The following GPC5 variants were observed in gnomAD, a reference collection of about 807,000 sequenced individuals.
GPC5 encodes the protein glypican 5.
Under a neutral mutation model 53.9 loss-of-function variants are expected in GPC5, and 47 were observed. That is an observed-to-expected ratio of 0.87 (90% confidence interval 0.69 to 1.11). The LOEUF is 1.11. GPC5 is among the 50% of genes most tolerant of loss of function. GPC5 has a pLI of 0.00. For synonymous variants in GPC5, 286 were observed against 263.3 expected (o/e 1.09, Z -0.84); for missense variants, 748 against 713.1 (o/e 1.05, Z -0.56).
chr13:92,616,792 C>T (rs1369156938), intron 7 of GPC5, among the ~76,000 whole-genome samples: 1 of 152,060 alleles, frequency 6.6e-6, no homozygotes, highest in Non-Finnish European at 1.5e-5. Context: ...AATAATAGAG[C>T]TTCAAAATGC....
chr13:91,768,565 T>C (rs552749768), intron 5 of GPC5, among the ~76,000 whole-genome samples: 65 of 152,174 alleles, frequency 4.3e-4, no homozygotes, highest in Non-Finnish European at 7.5e-4. Flanking sequence ...AGAGTAGTCA[T>C]GAAGAAATGA....
intron 7 of GPC5, among the ~76,000 whole-genome samples, chr13:92,705,529 T>C (rs1463130402): frequency 6.6e-6 from 1 of 152,144 alleles, no homozygotes; most frequent in East Asian, 1.9e-4. Context: ...AAAATAAGAA[T>C]GTAAAAATCT....
At chr13:92,127,159 T>C (rs1472049265) in intron 6 of GPC5, among the ~76,000 whole-genome samples, 1 of 152,196 alleles carries the variant, frequency 6.6e-6, no homozygotes, top group Middle Eastern at 3.4e-3. Context: ...GAAAAACCAG[T>C]GTGTTACTGA....
At chr13:92,268,460 C>T (rs79149990) in intron 7 of GPC5, among the ~76,000 whole-genome samples, 9 of 151,828 alleles carry the variant, frequency 5.9e-5, no homozygotes, top group Non-Finnish European at 1.3e-4. Flanking sequence ...ACTCTTAATT[C>T]ACTTCTGTGG....
intron 7 of GPC5, among the ~76,000 whole-genome samples, chr13:92,244,466 T>C (rs2042635827): frequency 6.6e-6 from 1 of 152,182 alleles, no homozygotes; most frequent in South Asian, 2.1e-4. Context: ...TATTCTACAT[T>C]GTATTAGAAC....
intron 7 of GPC5, among the ~76,000 whole-genome samples, chr13:92,737,135 T>C (rs576335597): frequency 6.2e-4 from 95 of 152,188 alleles, no homozygotes; most frequent in South Asian, 1.2e-3. Context: ...CAGAGTATCT[T>C]TCTCCAACTA....
chr13:92,304,203 C>CTT lies in GPC5; in HGVS notation c.1561+159226_1561+159227dup, dbSNP rs574804430. ...AGGCTTTGATATGACCATTTACTTT[C>CTT]TTTTTTTTTTTTTCTTTTTTAGACA... On this transcript the variant is annotated intron_variant, in intron 7 of 7. Transcript: ENST00000377067. Among the ~76,000 whole-genome samples the CTT allele has an allele frequency of 5.8e-3, 831 of 144,084 alleles. 9 individuals carry two copies. The highest frequency in any genetic ancestry group is 0.02 in the African/African-American group (777 of 39,478). The allele number at this position is 144,084 out of a possible 152,430, so 94.5% of individuals were successfully genotyped here. A position where few individuals can be genotyped will look rare whatever the true frequency, so the allele number is the denominator to read the frequency against.
intron 7 of GPC5, among the ~76,000 whole-genome samples, chr13:92,226,668 C>T (rs897536076): frequency 2.0e-5 from 3 of 149,962 alleles, no homozygotes; most frequent in Non-Finnish European, 3.0e-5. Flanking sequence ...TCACTGATCT[C>T]GGTCACTGCC....
intron 6 of GPC5, among the ~76,000 whole-genome samples, chr13:92,141,264 C>T (rs1260663224): frequency 6.6e-6 from 1 of 152,034 alleles, no homozygotes; most frequent in African/African-American, 2.4e-5. Context: ...GCAGAGCCTC[C>T]ATGCAAAGGA....
chr13:91,930,785 C>T (rs554286366), intron 6 of GPC5, among the ~76,000 whole-genome samples: 2 of 152,138 alleles, frequency 1.3e-5, no homozygotes, highest in African/African-American at 4.8e-5. Context: ...AGAAATTTTC[C>T]AGGCACTTCA....
At chr13:91,582,316 G>A (rs1035081390) in intron 2 of GPC5, among the ~76,000 whole-genome samples, 2 of 152,072 alleles carry the variant, frequency 1.3e-5, no homozygotes, top group African/African-American at 4.8e-5. Context: ...AACTCCAAAG[G>A]ATCAAAATAA....
At chr13:91,625,112 GAAAA>G (rs1196187988) in intron 2 of GPC5, among the ~76,000 whole-genome samples, 2 of 150,588 alleles carry the variant, frequency 1.3e-5, no homozygotes, top group East Asian at 3.9e-4. Context: ...TTGAAGCAAA[GAAAA>G]AAGGGAGGGA....
At chr13:91,577,878 C>G (rs564003450) in intron 2 of GPC5, among the ~76,000 whole-genome samples, 1 of 152,146 alleles carries the variant, frequency 6.6e-6, no homozygotes, top group South Asian at 2.1e-4. Flanking sequence ...CTTTGACATT[C>G]CTTTCGAAAG....
At chr13:92,362,868 T>G (rs1373222919) in intron 7 of GPC5, among the ~76,000 whole-genome samples, 1 of 151,792 alleles carries the variant, frequency 6.6e-6, no homozygotes, top group African/African-American at 2.4e-5. Flanking sequence ...ATTTAACATA[T>G]GGCTTGTGCT....
intron 2 of GPC5, among the ~76,000 whole-genome samples, chr13:91,560,955 T>A (rs531822665): frequency 6.6e-6 from 1 of 151,946 alleles, no homozygotes; most frequent in South Asian, 2.1e-4. Flanking sequence ...ATACCAAAAC[T>A]CTTCCTTCAA....
intron 7 of GPC5, among the ~76,000 whole-genome samples, chr13:92,722,344 A>G (rs1888529265): frequency 6.6e-6 from 1 of 152,020 alleles, no homozygotes; most frequent in Admixed American, 6.6e-5. Flanking sequence ...AGAGAAAATC[A>G]AGCTTTTGCT....
chr13:92,363,171 G>T (rs545285356), intron 7 of GPC5, among the ~76,000 whole-genome samples: 67 of 151,746 alleles, frequency 4.4e-4, no homozygotes, highest in Admixed American at 4.4e-3. Flanking sequence ...CTGGGTGTTG[G>T]GGGGACACTT....
chr13:91,403,664 A>G (rs1401421602), intron 1 of GPC5, among the ~76,000 whole-genome samples: 3 of 152,212 alleles, frequency 2.0e-5, no homozygotes, highest in Non-Finnish European at 4.4e-5. Context: ...ATCAAGGCCC[A>G]GTTCCACTTC....
chr13:92,357,853 A>T (rs953230948), intron 7 of GPC5, among the ~76,000 whole-genome samples: 2 of 147,700 alleles, frequency 1.4e-5, no homozygotes, highest in Non-Finnish European at 3.0e-5. Flanking sequence ...AGCACTGGGG[A>T]TTACAATTTG....
Sources: gnomAD v4.1 joint callset for allele counts (sites outside exome capture counted in the v4.1 genomes callset) on GRCh38, gnomAD v4.1.1 for gene constraint, MANE v1.5 for transcripts, NCBI Gene and HGNC (gene_info 2026-07-23, HGNC 2026-07-21) for gene names.